The following ACTR3C variants were observed in gnomAD, a reference collection of about 807,000 sequenced individuals.
The protein encoded by ACTR3C is actin-related protein 3C.
ACTR3C carries 18 observed loss-of-function variants against 26.3 expected under a neutral mutation model. The observed-to-expected ratio is 0.68, with a 90% confidence interval of 0.47 to 1.01. The LOEUF (loss-of-function observed/expected upper bound fraction) is 1.01, where lower values mean the gene tolerates loss of function less well. Among genes scored for constraint, ACTR3C ranks in the 50% least tolerant of loss-of-function variants. ACTR3C has a pLI of 0.00. For missense variants in ACTR3C, 184 were observed against 250.7 expected (o/e 0.73, Z 1.80); for synonymous variants, 55 against 94.5 (o/e 0.58, Z 2.42).
chr7:150,320,786 T>C lies in ACTR3C; in HGVS notation c.-52+2683A>G, dbSNP rs148870786. On this transcript the variant is annotated intron_variant, in intron 1 of 7. Transcript: ENST00000683684. ...TCCAAAACAAAAACAAAAACAAGAA[T>C]GCCTTTTTCCATTAACTTGTTTCCT... 2.7e-3 allele frequency among the ~76,000 whole-genome samples: 407 copies of C among 152,196 alleles called. 1 individual carries two copies. Among genetic ancestry groups the C allele is most frequent in the African/African-American group, 9.3e-3 (387 of 41,538 alleles).
chr7:150,108,962 C>A, the ACTR3C span, among the ~76,000 whole-genome samples: 2 of 151,834 alleles, frequency 1.3e-5, no homozygotes, highest in African/African-American at 2.4e-5. Flanking sequence ...CTCAGCACAT[C>A]CCCCACAGAC....
chr7:150,123,810 T>C, the ACTR3C span, among the ~76,000 whole-genome samples: 5 of 152,122 alleles, frequency 3.3e-5, no homozygotes, highest in African/African-American at 1.2e-4. Context: ...GAATGAAAAG[T>C]GGGGCTACCG....
At chr7:149,971,693 G>A in the ACTR3C span, among the ~76,000 whole-genome samples, 1 of 152,208 alleles carries the variant, frequency 6.6e-6, no homozygotes, top group Admixed American at 6.5e-5. Flanking sequence ...TCTCTTTGCA[G>A]AAAGGTTTCT....
At chr7:150,289,990 T>C (rs1836109513) in intron 3 of ACTR3C, among the ~76,000 whole-genome samples, 1 of 152,120 alleles carries the variant, frequency 6.6e-6, no homozygotes, top group African/African-American at 2.4e-5. Context: ...CAACTATAAA[T>C]CTACTTACGT....
At chr7:150,158,195 T>C in the ACTR3C span, among the ~76,000 whole-genome samples, 1 of 152,038 alleles carries the variant, frequency 6.6e-6, no homozygotes, top group Admixed American at 6.6e-5. Flanking sequence ...ATATAATGAG[T>C]GTTGGTGAGG....
At chr7:150,032,967 A>G in the ACTR3C span, among the ~76,000 whole-genome samples, 2 of 152,094 alleles carry the variant, frequency 1.3e-5, no homozygotes, top group Admixed American at 1.3e-4. Flanking sequence ...TGATGTGCAA[A>G]AGGTCTGCTG....
At chr7:149,917,294 C>G in the ACTR3C span, among the ~76,000 whole-genome samples, 15 of 152,272 alleles carry the variant, frequency 9.9e-5, no homozygotes, top group African/African-American at 3.4e-4. Context: ...AGGCTGGTCT[C>G]AAACTCCCAA....
the ACTR3C span, among the ~76,000 whole-genome samples, chr7:150,029,804 C>G: frequency 6.6e-6 from 1 of 152,040 alleles, no homozygotes; most frequent in African/African-American, 2.4e-5. Flanking sequence ...GCACGAGTCT[C>G]CAGGCCCACA....
chr7:150,029,418 C>CA, the ACTR3C span, among the ~76,000 whole-genome samples: 115 of 17,386 alleles, frequency 6.6e-3, no homozygotes, highest in Admixed American at 5.3e-3. Context: ...AAAAAAAAAA[C>CA]AAACAAAAAA....
chr7:150,120,480 T>G, the ACTR3C span, among the ~76,000 whole-genome samples: 1 of 151,816 alleles, frequency 6.6e-6, no homozygotes, highest in African/African-American at 2.4e-5. Flanking sequence ...AACTAGAAAA[T>G]CTGGAAGAAA....
the ACTR3C span, among the ~76,000 whole-genome samples, chr7:150,120,320 AATAG>A: frequency 2.0e-5 from 3 of 152,200 alleles, no homozygotes; most frequent in Non-Finnish European, 2.9e-5. Context: ...AGATTAACAA[AATAG>A]ATAGACCACT....
chr7:150,209,165 C>T, the ACTR3C span, among the ~76,000 whole-genome samples: 2 of 149,294 alleles, frequency 1.3e-5, no homozygotes, highest in African/African-American at 5.2e-5. Flanking sequence ...GCCTAATATA[C>T]ATGCACTTGA....
the ACTR3C span, among the ~76,000 whole-genome samples, chr7:149,962,990 C>G: frequency 6.6e-6 from 1 of 152,202 alleles, no homozygotes; most frequent in East Asian, 1.9e-4. Context: ...GGTTTGGGAG[C>G]TCTTCCAGCA....
At chr7:149,915,608 C>G in the ACTR3C span, among the ~76,000 whole-genome samples, 5 of 151,534 alleles carry the variant, frequency 3.3e-5, no homozygotes, top group Non-Finnish European at 7.4e-5. Context: ...CTAAATCTAC[C>G]TACAAATTTA....
At position 150,283,301 on chromosome 7, in the gene ACTR3C, G is replaced by A. The variant is rs1835496389; in HGVS notation, c.564+1452C>T. Among the ~76,000 whole-genome samples, 2 of 150,200 alleles carry A rather than the reference G, an allele frequency of 1.3e-5. 1 individual carries two copies. The highest frequency in any genetic ancestry group is 5.1e-5 in the African/African-American group (2 of 39,524). ...GATTGAAGTGGGAAGGACATGACCC[G>A]CTAGCTTTCTTCATTTGCATACTCC... is the stretch of plus-strand genomic sequence containing the variant. On this transcript the variant is annotated intron_variant, in intron 6 of 7. Transcript: ENST00000683684.
chr7:150,193,813 G>T, the ACTR3C span, among the ~76,000 whole-genome samples: 4,406 of 151,678 alleles, frequency 0.029, 211 homozygotes, highest in African/African-American at 0.1. Flanking sequence ...ATTTGGTGAG[G>T]TTTATTTTAT....
the ACTR3C span, among the ~76,000 whole-genome samples, chr7:149,900,032 A>G: frequency 7.7e-6 from 1 of 129,538 alleles, no homozygotes; most frequent in African/African-American, 2.8e-5. Context: ...ATGTTCAGCA[A>G]AAATATCCCC....
chr7:150,158,413 C>A, the ACTR3C span, among the ~76,000 whole-genome samples: 1 of 152,092 alleles, frequency 6.6e-6, no homozygotes, highest in East Asian at 1.9e-4. Flanking sequence ...GCTCACTGCA[C>A]TATTATTCAC....
the ACTR3C span, among the ~76,000 whole-genome samples, chr7:150,192,363 AT>A: frequency 3.3e-5 from 5 of 152,142 alleles, no homozygotes; most frequent in East Asian, 9.7e-4. Flanking sequence ...CAGTGGTGCA[AT>A]CATAGCTCAC....
Sources: gnomAD v4.1 joint callset for allele counts (sites outside exome capture counted in the v4.1 genomes callset) on GRCh38, gnomAD v4.1.1 for gene constraint, MANE v1.5 for transcripts, NCBI Gene and HGNC (gene_info 2026-07-23, HGNC 2026-07-21) for gene names.